FGF5: variants seen among roughly 807,000 people sequenced by gnomAD.
FGF5 encodes heparin-binding growth factor 5.
A neutral mutation model predicts 21.8 loss-of-function variants in FGF5; 23 were observed. The observed-to-expected ratio is 1.05, with a 90% CI of 0.76 to 1.49. The LOEUF (loss-of-function observed/expected upper bound fraction) is 1.49, where lower values mean the gene tolerates loss of function less well. Among genes scored for constraint, FGF5 ranks in the 40% most tolerant of loss-of-function variants. The pLI is 0.00. For missense variants in FGF5, 352 were observed against 332.9 expected, an observed-to-expected ratio of 1.06 and a Z score of -0.45; for synonymous variants, 158 against 124.0, an observed-to-expected ratio of 1.27 and a Z score of -1.82.
Position 80,290,232 on chromosome 4 carries a change from T to G in FGF5, c.*3560T>G, listed in dbSNP as rs1720854548. On this transcript the variant is annotated 3_prime_UTR_variant, in exon 3 of 3. Coordinates refer to ENST00000312465, the MANE Select transcript of FGF5 (RefSeq NM_004464.4). ...AGGAATTCTACACCTCCTTTAAGAT[T>G]TACTTAATTGCTACATCTAAATTCT... 1 of 152,172 alleles carries G rather than the reference T, an allele frequency of 6.6e-6. No homozygotes were observed. Among genetic ancestry groups the G allele is most frequent in the Admixed American group, 6.5e-5 (1 of 15,270 alleles). The allele number at this position is 152,172 out of a possible 1,614,324, so 9.4% of individuals were successfully genotyped here.
Position 80,285,594 on chromosome 4 carries a change from C to G in FGF5, c.460-731C>G, listed in dbSNP as rs570311595. On this transcript the variant is annotated intron_variant, in intron 2 of 2. Transcript: ENST00000312465. ...TTCCATTTATCAAGCTGCACCATGA[C>G]GGATGTCTACTTGTCTGCTTTTCCA... Among the ~76,000 whole-genome samples the G allele has an allele frequency of 1.1e-4, 17 of 152,234 alleles. No homozygotes were observed. In the South Asian group the frequency reaches 3.5e-3, roughly 32 times the overall value.
At chr4:80,268,344 G>C (rs1210697792) in intron 1 of FGF5, 1 of 353,832 alleles carries the variant, frequency 2.8e-6, no homozygotes, top group African/African-American at 2.2e-5. Context: ...AGGTACCCAG[G>C]GAGACCGGAA....
chr4:80,271,158 C>T (rs538698036), intron 1 of FGF5, among the ~76,000 whole-genome samples: 16 of 152,084 alleles, frequency 1.1e-4, no homozygotes, highest in Non-Finnish European at 1.6e-4. Context: ...ATATTTTATT[C>T]ATTAACAAAA....
chr4:80,272,415 C>T (rs879284205), intron 1 of FGF5, among the ~76,000 whole-genome samples: 35 of 152,084 alleles, frequency 2.3e-4, no homozygotes, highest in South Asian at 1.0e-3. Context: ...ATAATATATA[C>T]ACAGAGTGTA....
At chr4:80,277,634 C>G (rs979295848) in intron 2 of FGF5, among the ~76,000 whole-genome samples, 1 of 151,966 alleles carries the variant, frequency 6.6e-6, no homozygotes, top group African/African-American at 2.4e-5. Flanking sequence ...TTGATTTTTA[C>G]GACTTTACAT....
At position 80,289,372 on chromosome 4, in the gene FGF5, A is replaced by G. The variant is rs887420895; in HGVS notation, c.*2700A>G. ...GAACTTATGTACAGAAAACATGTAT[A>G]AATATAAGTCTATACTAATGCTTAC... On this transcript the variant is annotated 3_prime_UTR_variant, in exon 3 of 3. Transcript: ENST00000312465. The G allele has an allele frequency of 6.6e-6, 1 of 152,154 alleles. No individual in the cohort carries two copies. Among genetic ancestry groups the G allele is most frequent in the African/African-American group, 2.4e-5 (1 of 41,450 alleles). The allele number at this position is 152,154 out of a possible 1,614,324, so 9.4% of individuals were successfully genotyped here. A position where few individuals can be genotyped will look rare whatever the true frequency, so the allele number is the denominator to read the frequency against.
chr4:80,267,287 A>C (rs1442501307), intron 1 of FGF5, 108 bp downstream of exon 1: 13 of 872,428 alleles, frequency 1.5e-5, no homozygotes, highest in Non-Finnish European at 2.3e-5. Flanking sequence ...AGCCCAGGCC[A>C]CTGGGACCAA....
At chr4:80,281,427 T>G (rs1263884767) in intron 2 of FGF5, among the ~76,000 whole-genome samples, 1 of 152,230 alleles carries the variant, frequency 6.6e-6, no homozygotes, top group Non-Finnish European at 1.5e-5. Context: ...TATTAGTCTA[T>G]AACAACATTT....
chr4:80,283,373 G>A (rs1445394797), intron 2 of FGF5, among the ~76,000 whole-genome samples: 2 of 151,998 alleles, frequency 1.3e-5, no homozygotes, highest in Non-Finnish European at 1.5e-5. Context: ...AAGAACTTTA[G>A]AATATGAATC....
chr4:80,281,935 G>C (rs530777838), intron 2 of FGF5, among the ~76,000 whole-genome samples: 2 of 152,142 alleles, frequency 1.3e-5, no homozygotes, highest in South Asian at 4.2e-4. Context: ...GAAGGGGTGA[G>C]GAGAGCCACA....
At position 80,287,077 on chromosome 4, in the gene FGF5, T is replaced by G. The variant is rs1720756428; in HGVS notation, c.*405T>G. 1 of 158,322 alleles carries G rather than the reference T, an allele frequency of 6.3e-6. No individual in the cohort carries two copies. The allele number at this position is 158,322 out of a possible 1,614,324, so 9.8% of individuals were successfully genotyped here. On this transcript the variant is annotated 3_prime_UTR_variant, in exon 3 of 3. Transcript: ENST00000312465. Reference sequence around the variant, plus strand: ...GATGCAGATAAAATATTTTGTTAACTTTTGTTTTTTTTTGTTTGTTTTCTT... The same window carrying G: ...GATGCAGATAAAATATTTTGTTAACGTTTGTTTTTTTTTGTTTGTTTTCTT...
chr4:80,285,638 A>G (rs1410805023), intron 2 of FGF5, among the ~76,000 whole-genome samples: 1 of 152,162 alleles, frequency 6.6e-6, no homozygotes, highest in Non-Finnish European at 1.5e-5. Flanking sequence ...TAAGCATTTC[A>G]AGGGCAGATA....
intron 2 of FGF5, among the ~76,000 whole-genome samples, chr4:80,276,822 C>T (rs1341958695): frequency 3.3e-5 from 5 of 149,302 alleles, no homozygotes; most frequent in East Asian, 2.0e-4. Flanking sequence ...CACATCTAAA[C>T]GGAATAACTT....
chr4:80,266,631 G>A (rs1720094401), upstream of FGF5: 1 of 586,290 alleles, frequency 1.7e-6, no homozygotes. Context: ...GATCACTGGC[G>A]TTATAAATAT....
intron 1 of FGF5, among the ~76,000 whole-genome samples, 177 bp downstream of exon 1, chr4:80,267,356 A>G (rs35347726): frequency 0.03 from 4,559 of 152,236 alleles, 97 homozygotes; most frequent in Middle Eastern, 0.075. Flanking sequence ...TGGCGTGCGC[A>G]CACGCACCCC....
rs1209688009 is a variant in FGF5 at position 80,286,662 on chromosome 4, G to C, written c.797G>C (p.Arg266Pro). ...TCAGTGAAATACAGACTCAAGTTTC[G>C]CTTTGGATAATATTCCTCTTGGCCT... ...TNSVKYRLKF[R>P]FG is the part of the protein sequence containing the mutation. The change falls in exon 3 of 3, where the codon CGC (arginine) becomes CCC (proline). Residue 266 changes from arginine to proline, a missense_variant. Coordinates refer to ENST00000312465, the MANE Select transcript of FGF5 (RefSeq NM_004464.4). 1 of 1,612,950 alleles carries C rather than the reference G, an allele frequency of 6.2e-7. No individual in the cohort carries two copies. The highest frequency in any genetic ancestry group is 8.5e-7 in the Non-Finnish European group (1 of 1,179,338).
At chr4:80,284,477 A>C (rs1259541489) in intron 2 of FGF5, among the ~76,000 whole-genome samples, 1 of 151,186 alleles carries the variant, frequency 6.6e-6, no homozygotes, top group Admixed American at 6.6e-5. Context: ...ACAACAACAA[A>C]GAAACAAACA....
chr4:80,284,053 C>A (rs952473519), intron 2 of FGF5, among the ~76,000 whole-genome samples: 1 of 152,210 alleles, frequency 6.6e-6, no homozygotes, highest in East Asian at 1.9e-4. Flanking sequence ...GTGATGTCAG[C>A]ATAGCAGTCC....
At chr4:80,285,835 C>T (rs1161229402) in intron 2 of FGF5, among the ~76,000 whole-genome samples, 1 of 152,152 alleles carries the variant, frequency 6.6e-6, no homozygotes. Flanking sequence ...CTCAATCACA[C>T]TGATAACATT....
Sources: allele counts gnomAD v4.1 joint callset (sites outside exome capture counted in the v4.1 genomes callset), GRCh38; gene constraint gnomAD v4.1.1; transcripts MANE v1.5; gene names NCBI Gene and HGNC (gene_info 2026-07-23, HGNC 2026-07-21).